TFEB: variants seen among roughly 807,000 people sequenced by gnomAD.
TFEB encodes transcription factor EB.
TFEB carries 12 observed loss-of-function variants against 48.0 expected under a neutral mutation model. The observed-to-expected ratio is 0.25, with a 90% CI of 0.16 to 0.40. The LOEUF is 0.40. Ranked by LOEUF, TFEB falls within the 10% of genes least tolerant of loss-of-function variation. The pLI, the probability that TFEB is intolerant of heterozygous loss-of-function variation, is 1.00. For missense variants in TFEB, 509 were observed against 640.3 expected, an observed-to-expected ratio of 0.79 and a Z score of 2.21; for synonymous variants, 244 against 261.4, an observed-to-expected ratio of 0.93 and a Z score of 0.64.
Position 41,735,606 on chromosome 6 carries a change from C to T in TFEB, c.-279G>A, listed in dbSNP as rs1771650252. ...GGCGCCCGGGCTCCGGCTGTCACTC[C>T]ACGCACACTTCCCTCCGCGCCCGGC... On this transcript the variant is annotated 5_prime_UTR_variant, in exon 1 of 9. Transcript: ENST00000373033. 2.6e-5 allele frequency: 25 copies of T among 973,382 alleles called. No individual in the cohort carries two copies. Among genetic ancestry groups the T allele is most frequent in the Non-Finnish European group, 3.1e-5 (25 of 819,122 alleles). 60.3% of individuals were successfully genotyped at this position (973,382 alleles called of 1,614,324 possible).
intron 1 of TFEB, among the ~76,000 whole-genome samples, chr6:41,708,518 A>G (rs996332097): frequency 6.6e-6 from 1 of 152,210 alleles, no homozygotes; most frequent in Non-Finnish European, 1.5e-5. Context: ...ACTCTAAAGC[A>G]TATTCTGCAG....
At chr6:41,731,844 C>A (rs927871727) in intron 1 of TFEB, among the ~76,000 whole-genome samples, 1 of 152,208 alleles carries the variant, frequency 6.6e-6, no homozygotes, top group Admixed American at 6.5e-5. Flanking sequence ...TGCCTCCTCC[C>A]TTCCTGGGTG....
Position 41,691,792 on chromosome 6 carries a change from A to C in TFEB, c.-22-557T>G, listed in dbSNP as rs1769331431. On this transcript the variant is annotated intron_variant, in intron 1 of 8. Transcript: ENST00000373033. This position sits in a 1 kb window ranked among gnomAD's most constrained non-coding sequence, Gnocchi z 5.2. ...CCACCTTCCTCAGGGGAAAAGCTAA[A>C]GTCCTTACCATGACTGGAAAGGCCC... 6.6e-6 allele frequency among the ~76,000 whole-genome samples: 1 copy of C among 152,142 alleles called. No individual in the cohort carries two copies. The highest frequency in any genetic ancestry group is 1.5e-5 in the Non-Finnish European group (1 of 67,998).
At chr6:41,703,381 C>T (rs1770039622) in intron 1 of TFEB, among the ~76,000 whole-genome samples, 1 of 152,198 alleles carries the variant, frequency 6.6e-6, no homozygotes, top group African/African-American at 2.4e-5. Context: ...CCTCAGCCCT[C>T]CCTGCCCCAG....
chr6:41,709,529 GTGGA>G (rs10604830), intron 1 of TFEB, among the ~76,000 whole-genome samples: 4,869 of 149,414 alleles, frequency 0.033, 148 homozygotes, highest in African/African-American at 0.073. Context: ...ATAATGGTTG[GTGGA>G]TGGATGGATG....
At chr6:41,688,186 G>T in intron 4 of TFEB, 158 bp from the exon 5 acceptor site, 1 of 843,976 alleles carries the variant, frequency 1.2e-6, no homozygotes, top group African/African-American at 1.7e-5. Flanking sequence ...CTGAAGGTCT[G>T]CAGAGTCCAG....
intron 1 of TFEB, among the ~76,000 whole-genome samples, chr6:41,692,261 C>G (rs1307639492): frequency 6.6e-6 from 1 of 152,218 alleles, no homozygotes; most frequent in African/African-American, 2.4e-5. Flanking sequence ...TTTTTCACTG[C>G]TATACCATGG....
rs920255009 is a variant in TFEB, at chr6:41,726,467, G to T, written c.-23+8883C>A. Among the ~76,000 whole-genome samples the T allele has an allele frequency of 2.0e-5, 3 of 151,742 alleles. No individual in the cohort carries two copies. In the East Asian group the frequency reaches 5.8e-4, roughly 29 times the overall value. On this transcript the variant is annotated intron_variant, in intron 1 of 8. Coordinates refer to ENST00000373033, the MANE Select transcript of TFEB (RefSeq NM_001271944.2). Reference sequence around the variant, plus strand: ...GGTTCACTTTTTTTTTTCTTTAGATGGAGTCTTGCTCTGTCACCCAGGCTG... The same window carrying T: ...GGTTCACTTTTTTTTTTCTTTAGATTGAGTCTTGCTCTGTCACCCAGGCTG...
At chr6:41,717,704 G>A (rs1030804676) in intron 1 of TFEB, among the ~76,000 whole-genome samples, 4 of 152,150 alleles carry the variant, frequency 2.6e-5, no homozygotes, top group Non-Finnish European at 5.9e-5. Flanking sequence ...AAAAGGTAAG[G>A]AGCTCTCAGG....
chr6:41,725,278 T>C (rs549477887), intron 1 of TFEB, among the ~76,000 whole-genome samples: 1 of 152,270 alleles, frequency 6.6e-6, no homozygotes, highest in East Asian at 1.9e-4. Flanking sequence ...CCCTGGCCAA[T>C]ATCATCAGAC....
chr6:41,726,552 T>C lies in TFEB; in HGVS notation c.-23+8798A>G, dbSNP rs1021227817. On this transcript the variant is annotated intron_variant, in intron 1 of 8. Coordinates refer to ENST00000373033, the MANE Select transcript of TFEB (RefSeq NM_001271944.2). ...TCCACCTCCCAGGTTCAAGCGATTCTCCTGCCTTAGCCTCCCAAGCTGGAA... is the reference window on the plus strand; with the variant it reads ...TCCACCTCCCAGGTTCAAGCGATTCCCCTGCCTTAGCCTCCCAAGCTGGAA... 5.3e-5 allele frequency among the ~76,000 whole-genome samples: 8 copies of C among 152,104 alleles called. 1 individual carries two copies. Among genetic ancestry groups the C allele is most frequent in the Admixed American group, 5.2e-4 (8 of 15,276 alleles).
chr6:41,716,758 A>G (rs947449163), intron 1 of TFEB, among the ~76,000 whole-genome samples: 6 of 152,096 alleles, frequency 3.9e-5, no homozygotes, highest in Non-Finnish European at 2.9e-5. Flanking sequence ...AGTCTGTGCT[A>G]AGAATAACTT....
chr6:41,693,655 C>A (rs529996322), intron 1 of TFEB, among the ~76,000 whole-genome samples: 81 of 152,160 alleles, frequency 5.3e-4, no homozygotes, highest in African/African-American at 1.9e-3. Context: ...GTGGCCCTCA[C>A]CCCACCCTCC....
intron 1 of TFEB, chr6:41,733,018 G>A: frequency 1.0e-6 from 1 of 985,534 alleles, no homozygotes; most frequent in Non-Finnish European, 1.2e-6. Flanking sequence ...GGGTGGCTGG[G>A]CTACTCCCTG....
chr6:41,723,862 A>G lies in TFEB; in HGVS notation c.-23+11488T>C. ...CTAGGCAGATGGAGAGACACAGAGC[A>G]GCAAGAATTTCGCCAGAGTCCCAAT... On this transcript the variant is annotated intron_variant, in intron 1 of 8. Transcript: ENST00000373033. This position sits in a 1 kb window ranked among gnomAD's most constrained non-coding sequence, Gnocchi z 6.0. 4 of 491,216 alleles carry G rather than the reference A, an allele frequency of 8.1e-6. No individual in the cohort carries two copies. Among genetic ancestry groups the G allele is most frequent in the South Asian group, 6.0e-5 (4 of 67,144 alleles). The allele number at this position is 491,216 out of a possible 1,614,324, so 30.4% of individuals were successfully genotyped here.
chr6:41,687,624 G>T, intron 6 of TFEB, 129 bp downstream of exon 6: 1 of 1,179,514 alleles, frequency 8.5e-7, no homozygotes, highest in Non-Finnish European at 1.2e-6. Context: ...GAGGGCTTAA[G>T]CCATCTGCAA....
At chr6:41,689,602 CA>C (rs1245271487) in intron 4 of TFEB, 128 bp downstream of exon 4, 2 of 672,220 alleles carry the variant, frequency 3.0e-6, no homozygotes, top group Non-Finnish European at 5.2e-6. Context: ...GAAAATGACT[CA>C]TCTCTACAGA....
At chr6:41,689,919 C>G in intron 3 of TFEB, 108 bp from the exon 4 acceptor site, 1 of 764,542 alleles carries the variant, frequency 1.3e-6, no homozygotes, top group Admixed American at 2.2e-5. Flanking sequence ...CCACCTCACC[C>G]AACCTACTTA....
At chr6:41,687,033 T>A in intron 7 of TFEB, 61 bp downstream of exon 7, 3 of 1,428,192 alleles carry the variant, frequency 2.1e-6, no homozygotes, top group Non-Finnish European at 3.0e-6. Context: ...TGAGGGCAGA[T>A]AATACTTGTC....
Sources: allele counts gnomAD v4.1 joint callset (sites outside exome capture counted in the v4.1 genomes callset), GRCh38; gene constraint gnomAD v4.1.1; non-coding constraint Gnocchi (gnomAD v3.1); transcripts MANE v1.5; gene names NCBI Gene and HGNC (gene_info 2026-07-23, HGNC 2026-07-21).